ARHGAP6: variants seen among roughly 807,000 people sequenced by gnomAD.
ARHGAP6 encodes Rho GTPase activating protein 6.
Under a neutral mutation model 55.7 loss-of-function variants are expected in ARHGAP6, and 16 were observed. The ratio of observed to expected loss-of-function variants is 0.29; its 90% CI spans 0.19 to 0.44. ARHGAP6 has a LOEUF of 0.44. Ranked by LOEUF, ARHGAP6 falls within the 20% of genes least tolerant of loss-of-function variation. The pLI is 1.00. For synonymous variants in ARHGAP6, 382 were observed against 360.9 expected, an observed-to-expected ratio of 1.06 and a Z score of -0.66; for missense variants, 698 against 808.9, an observed-to-expected ratio of 0.86 and a Z score of 1.66.
chrX:11,146,169 G>A (rs1257086963), intron 10 of ARHGAP6, among the ~76,000 whole-genome samples: 1 of 112,393 alleles, frequency 8.9e-6, no homozygotes, highest in Non-Finnish European at 1.9e-5. Context: ...CCTTAAGCAG[G>A]ATCCAGACAA....
chrX:11,349,654 A>G (rs765571291), intron 1 of ARHGAP6, among the ~76,000 whole-genome samples: 41 of 112,304 alleles, frequency 3.7e-4, no homozygotes, highest in African/African-American at 1.3e-3. Context: ...ATATTATGAA[A>G]TCCAGTAGGA....
chrX:11,607,110 T>C (rs1055125813), intron 1 of ARHGAP6, among the ~76,000 whole-genome samples: 1 of 112,448 alleles, frequency 8.9e-6, no homozygotes, highest in African/African-American at 3.2e-5. Context: ...TTGTAATCTT[T>C]GAATGCTTAG....
intron 9 of ARHGAP6, among the ~76,000 whole-genome samples, chrX:11,158,745 T>A (rs1299365002): frequency 1.8e-5 from 2 of 112,227 alleles, no homozygotes; most frequent in Non-Finnish European, 1.9e-5. Flanking sequence ...CCACTGTGCT[T>A]CTCCCTCAGG....
chrX:11,242,365 C>A (rs1350965919), intron 2 of ARHGAP6, among the ~76,000 whole-genome samples: 1 of 112,273 alleles, frequency 8.9e-6, no homozygotes, highest in Non-Finnish European at 1.9e-5. Context: ...GTAAGAACTG[C>A]TAATGATCAA....
At chrX:11,652,961 A>G (rs1378685698) in intron 1 of ARHGAP6, among the ~76,000 whole-genome samples, 2 of 112,251 alleles carry the variant, frequency 1.8e-5, no homozygotes, top group African/African-American at 6.5e-5. Flanking sequence ...GAGCAAAAAG[A>G]GAATCTGATT....
intron 1 of ARHGAP6, among the ~76,000 whole-genome samples, chrX:11,448,917 C>T (rs1193128588): frequency 8.9e-6 from 1 of 111,784 alleles, no homozygotes; most frequent in African/African-American, 3.3e-5. Flanking sequence ...AATGTCTCAC[C>T]TTCATCCAAT....
At chrX:11,518,528 G>A (rs1326245728) in intron 1 of ARHGAP6, among the ~76,000 whole-genome samples, 4 of 88,371 alleles carry the variant, frequency 4.5e-5, no homozygotes, top group Non-Finnish European at 8.6e-5. Flanking sequence ...AAAGGCACAT[G>A]TCTACTCCAT....
intron 1 of ARHGAP6, among the ~76,000 whole-genome samples, chrX:11,529,822 A>C (rs1358547724): frequency 1.8e-5 from 2 of 112,043 alleles, no homozygotes; most frequent in African/African-American, 6.5e-5. Context: ...TAATGTTAAA[A>C]TCTGTATTTT....
chrX:11,298,293 G>A, intron 1 of ARHGAP6: 1 of 1,206,981 alleles, frequency 8.3e-7, no homozygotes, highest in East Asian at 3.0e-5. Flanking sequence ...TAGACATTTT[G>A]TTCCTTATTC....
chrX:11,265,723 C>G (rs1406716450), intron 1 of ARHGAP6: 1 of 904,696 alleles, frequency 1.1e-6, no homozygotes. Flanking sequence ...GCTGTCCTCT[C>G]TAATCTAACT....
intron 1 of ARHGAP6, among the ~76,000 whole-genome samples, chrX:11,432,626 CTTT>C (rs1405754654): frequency 8.9e-6 from 1 of 112,158 alleles, no homozygotes; most frequent in Non-Finnish European, 1.9e-5. Flanking sequence ...AGAGTTGTCT[CTTT>C]TTTAAGTCTT....
intron 1 of ARHGAP6, among the ~76,000 whole-genome samples, chrX:11,475,418 T>A (rs1261534429): frequency 9.0e-6 from 1 of 110,965 alleles, no homozygotes; most frequent in Non-Finnish European, 1.9e-5. Flanking sequence ...AAAAAAGTTG[T>A]ATGCATTTGC....
chrX:11,167,961 C>G (rs1380408434), intron 9 of ARHGAP6, among the ~76,000 whole-genome samples: 1 of 112,036 alleles, frequency 8.9e-6, no homozygotes, highest in African/African-American at 3.2e-5. Flanking sequence ...GAGACACAAA[C>G]AGGAACAAGA....
At chrX:11,354,327 C>CTCTATATATATATATATATA (rs1343744315) in intron 1 of ARHGAP6, among the ~76,000 whole-genome samples, 2 of 32,346 alleles carry the variant, frequency 6.2e-5, no homozygotes, top group African/African-American at 2.7e-4. Context: ...CTCTCTCTCT[C>CTCTATATATATATATATATA]TATATATATA....
chrX:11,325,578 ATGT>A (rs1211522086), intron 1 of ARHGAP6, among the ~76,000 whole-genome samples: 3 of 112,419 alleles, frequency 2.7e-5, no homozygotes, highest in African/African-American at 9.7e-5. Flanking sequence ...CTTTCAGAAA[ATGT>A]TGTCACTGTT....
At chrX:11,470,682 A>C (rs1016956634) in intron 1 of ARHGAP6, among the ~76,000 whole-genome samples, 1 of 112,245 alleles carries the variant, frequency 8.9e-6, no homozygotes, top group African/African-American at 3.2e-5. Context: ...CGTGCAGGAC[A>C]CTTTCCCTTA....
intron 10 of ARHGAP6, among the ~76,000 whole-genome samples, chrX:11,146,209 A>C (rs1342571859): frequency 8.9e-6 from 1 of 112,459 alleles, no homozygotes; most frequent in African/African-American, 3.2e-5. Flanking sequence ...ATTGTGGATC[A>C]GAACATTTTG....
At chrX:11,559,666 G>T (rs745328852) in intron 1 of ARHGAP6, among the ~76,000 whole-genome samples, 2 of 111,138 alleles carry the variant, frequency 1.8e-5, no homozygotes, top group African/African-American at 6.5e-5. Flanking sequence ...GGTGGCTCAC[G>T]CCTGTAATCC....
intron 1 of ARHGAP6, among the ~76,000 whole-genome samples, chrX:11,623,349 C>G (rs1336240507): frequency 3.6e-5 from 4 of 110,539 alleles, no homozygotes; most frequent in Non-Finnish European, 7.6e-5. Context: ...CAAAAAATAC[C>G]TAGGAATAAA....
Sources: allele counts gnomAD v4.1 joint callset (sites outside exome capture counted in the v4.1 genomes callset), GRCh38; gene constraint gnomAD v4.1.1; transcripts MANE v1.5; gene names NCBI Gene and HGNC (gene_info 2026-07-23, HGNC 2026-07-21).